The following ARMC9 variants were observed in gnomAD, a reference collection of about 807,000 sequenced individuals.
The protein encoded by ARMC9 is armadillo repeat containing 9.
A neutral mutation model predicts 107.0 loss-of-function variants in ARMC9; 94 were observed. The observed-to-expected ratio is 0.88, with a 90% confidence interval of 0.74 to 1.04. The LOEUF is 1.04. ARMC9 is among the 50% of genes least tolerant of loss of function. ARMC9 has a pLI of 0.00. For synonymous variants in ARMC9, 380 were observed against 396.9 expected, an observed-to-expected ratio of 0.96 and a Z score of 0.51; for missense variants, 942 against 1,030.1, an observed-to-expected ratio of 0.91 and a Z score of 1.17.
At chr2:231,353,818 C>T (rs2045208904) in intron 21 of ARMC9, among the ~76,000 whole-genome samples, 1 of 152,060 alleles carries the variant, frequency 6.6e-6, no homozygotes, top group Non-Finnish European at 1.5e-5. Flanking sequence ...TTACAGACTG[C>T]TTCTCAATTG....
intron 20 of ARMC9, among the ~76,000 whole-genome samples, chr2:231,337,284 ATATATATTTTTTTTTT>A (rs1559481282): frequency 3.6e-5 from 2 of 55,110 alleles, no homozygotes; most frequent in African/African-American, 9.4e-5. Flanking sequence ...ATATATATAT[ATATATATTTTTTTTTT>A]TTTTTTTTTT....
intron 10 of ARMC9, among the ~76,000 whole-genome samples, 192 bp from the exon 11 acceptor site, chr2:231,258,799 A>G (rs2038076083): frequency 6.6e-6 from 1 of 152,150 alleles, no homozygotes; most frequent in Admixed American, 6.5e-5. Context: ...CCAACAGAAT[A>G]GGCAGAGCTG....
At chr2:231,226,319 G>A (rs1214194533) in intron 6 of ARMC9, among the ~76,000 whole-genome samples, 1 of 152,242 alleles carries the variant, frequency 6.6e-6, no homozygotes, top group African/African-American at 2.4e-5. Context: ...AACCCAGGCA[G>A]TCTGGCTCCA....
intron 14 of ARMC9, 147 bp from the exon 15 acceptor site, chr2:231,276,489 C>A: frequency 9.4e-7 from 1 of 1,068,770 alleles, no homozygotes; most frequent in South Asian, 1.6e-5. Context: ...AGGCTTGTCT[C>A]CAACTCCTGA....
intron 1 of ARMC9, among the ~76,000 whole-genome samples, chr2:231,204,686 C>T (rs914273422): frequency 2.0e-5 from 3 of 151,948 alleles, no homozygotes; most frequent in Non-Finnish European, 4.4e-5. Flanking sequence ...ATGGGCCGAC[C>T]TCTTAGAAAG....
At chr2:231,235,794 C>T (rs1294126568) in intron 8 of ARMC9, among the ~76,000 whole-genome samples, 1 of 152,116 alleles carries the variant, frequency 6.6e-6, no homozygotes, top group Non-Finnish European at 1.5e-5. Context: ...AGGCATGTGC[C>T]ACCACACCCA....
intron 9 of ARMC9, among the ~76,000 whole-genome samples, chr2:231,252,312 C>T (rs1244342031): frequency 6.6e-6 from 1 of 151,816 alleles, no homozygotes; most frequent in Non-Finnish European, 1.5e-5. Context: ...TGCAATGGCA[C>T]GATCTCGGCT....
intron 22 of ARMC9, among the ~76,000 whole-genome samples, chr2:231,359,082 G>GTTTTTTTT (rs555726953): frequency 3.9e-4 from 46 of 117,808 alleles, no homozygotes; most frequent in African/African-American, 8.5e-4. Context: ...GGGGTCTCCT[G>GTTTTTTTT]TTTTTTTTTT....
intron 11 of ARMC9, among the ~76,000 whole-genome samples, chr2:231,259,952 C>T (rs2038182471): frequency 6.6e-6 from 1 of 152,182 alleles, no homozygotes; most frequent in Non-Finnish European, 1.5e-5. Context: ...GCCAAGATCA[C>T]ACCACTGCAC....
At chr2:231,233,082 C>G (rs2125356133) in intron 7 of ARMC9, among the ~76,000 whole-genome samples, 1 of 152,234 alleles carries the variant, frequency 6.6e-6, no homozygotes, top group East Asian at 1.9e-4. Context: ...AACTCCTGGT[C>G]TCAGGTGATC....
intron 4 of ARMC9, among the ~76,000 whole-genome samples, chr2:231,215,632 G>A (rs1230437350): frequency 6.6e-6 from 1 of 152,246 alleles, no homozygotes; most frequent in Non-Finnish European, 1.5e-5. Context: ...GAAATGTGAA[G>A]CTGCTGCGGT....
At chr2:231,315,810 C>A (rs2042639224) in intron 19 of ARMC9, among the ~76,000 whole-genome samples, 1 of 152,148 alleles carries the variant, frequency 6.6e-6, no homozygotes, top group African/African-American at 2.4e-5. Flanking sequence ...CTTTGTTACT[C>A]TGTCCTTCCT....
chr2:231,246,090 G>C (rs769175374), intron 9 of ARMC9, among the ~76,000 whole-genome samples: 18 of 152,120 alleles, frequency 1.2e-4, no homozygotes, highest in Non-Finnish European at 2.5e-4. Flanking sequence ...TGGATGGGGA[G>C]GTTTCCATTT....
At chr2:231,333,912 T>G (rs1575116016) in intron 20 of ARMC9, among the ~76,000 whole-genome samples, 1 of 152,228 alleles carries the variant, frequency 6.6e-6, no homozygotes, top group South Asian at 2.1e-4. Flanking sequence ...TCTGTTGATA[T>G]GGTAAACATC....
At chr2:231,267,972 A>G (rs952523078) in intron 12 of ARMC9, among the ~76,000 whole-genome samples, 21 of 152,232 alleles carry the variant, frequency 1.4e-4, no homozygotes, top group African/African-American at 4.8e-4. Flanking sequence ...CCAAATGTCC[A>G]TCAGCAGTAG....
chr2:231,220,094 G>T (rs1414692282), intron 5 of ARMC9, among the ~76,000 whole-genome samples: 1 of 152,002 alleles, frequency 6.6e-6, no homozygotes, highest in African/African-American at 2.4e-5. Context: ...AATCTCTCTG[G>T]CTGTATTCTG....
rs148465008 is a variant in ARMC9, at chr2:231,365,955, G to A, written c.2262-3998G>A. Among the ~76,000 whole-genome samples, 546 of 152,316 alleles carry A rather than the reference G, an allele frequency of 3.6e-3. 5 individuals are homozygous for A. The highest frequency in any genetic ancestry group is 0.012 in the African/African-American group (514 of 41,554). ...GTGCCAGTGGGAGGGGCCAGGCAGA[G>A]GGAGCCCCGGTCTGAGGAGGCTCAT... is the stretch of plus-strand genomic sequence containing the variant. On this transcript the variant is annotated intron_variant, in intron 23 of 24. Transcript: ENST00000611582.
At chr2:231,270,811 C>T in intron 12 of ARMC9, 171 bp from the exon 13 acceptor site, 1 of 715,262 alleles carries the variant, frequency 1.4e-6, no homozygotes, top group South Asian at 1.5e-5. Context: ...CAAGTCTCAT[C>T]AAATTTCAGT....
chr2:231,311,403 G>A (rs1483922787), intron 19 of ARMC9, among the ~76,000 whole-genome samples: 4 of 151,992 alleles, frequency 2.6e-5, no homozygotes, highest in South Asian at 2.1e-4. Context: ...CCTCACTACC[G>A]GCACAGCACT....
Sources: gnomAD v4.1 joint callset for allele counts (sites outside exome capture counted in the v4.1 genomes callset) on GRCh38, gnomAD v4.1.1 for gene constraint, MANE v1.5 for transcripts, NCBI Gene and HGNC (gene_info 2026-07-23, HGNC 2026-07-21) for gene names.